IL1R2: variants seen among roughly 807,000 people sequenced by gnomAD.
IL1R2 encodes interleukin-1 receptor type 2.
Under a neutral mutation model 39.5 loss-of-function variants are expected in IL1R2, and 46 were observed. The ratio of observed to expected loss-of-function variants is 1.16; its 90% confidence interval spans 0.92 to 1.49. The LOEUF is 1.49. Among genes scored for constraint, IL1R2 ranks in the 40% most tolerant of loss-of-function variants. The pLI is 0.00. For synonymous variants in IL1R2, 207 were observed against 189.6 expected, an observed-to-expected ratio of 1.09 and a Z score of -0.75; for missense variants, 537 against 502.0, an observed-to-expected ratio of 1.07 and a Z score of -0.67.
chr2:102,009,568 C>T lies in IL1R2; in HGVS notation c.74C>T (p.Ala25Val). 1 of 1,613,698 alleles carries T rather than the reference C, an allele frequency of 6.2e-7. No homozygotes were observed. Among genetic ancestry groups the T allele is most frequent in the Non-Finnish European group, 8.5e-7 (1 of 1,179,808 alleles). ...TLQPAAHTGA[A>V]RSCRFRGRHY... is the part of the protein sequence containing the mutation. ...TGGGCTCTCTGTCCTTCAGGGGCTG[C>T]CAGAAGCTGCCGGTTTCGTGGGAGG... The change falls in exon 3 of 9, where the codon GCC becomes GTC. Residue 25 changes from alanine to valine, a missense_variant. Ala to Val is a moderately conservative substitution (Grantham distance 64). Coordinates refer to ENST00000332549, the MANE Select transcript of IL1R2 (RefSeq NM_004633.4).
At position 102,028,403 on chromosome 2, in the gene IL1R2, A is replaced by G; in HGVS notation, c.*11A>G. Reference sequence around the variant, plus strand: ...TCCTATCCCAAGTGAAATAAATGGAATGAAATAATTCAAACACAAACTCCG... The same window carrying G: ...TCCTATCCCAAGTGAAATAAATGGAGTGAAATAATTCAAACACAAACTCCG... On this transcript the variant is annotated 3_prime_UTR_variant, in exon 9 of 9. Transcript: ENST00000332549. 1 of 1,575,652 alleles carries G rather than the reference A, an allele frequency of 6.3e-7. No homozygotes were observed. The highest frequency in any genetic ancestry group is 8.7e-7 in the Non-Finnish European group (1 of 1,155,918).
intron 1 of IL1R2, among the ~76,000 whole-genome samples, chr2:102,003,363 G>A (rs559941190): frequency 8.6e-6 from 1 of 116,186 alleles, no homozygotes; most frequent in East Asian, 2.8e-4. Context: ...TGTCTGTGTC[G>A]GTGTCTGTGT....
chr2:102,024,197 C>G (rs754452748), intron 6 of IL1R2, among the ~76,000 whole-genome samples: 1 of 152,142 alleles, frequency 6.6e-6, no homozygotes, highest in Non-Finnish European at 1.5e-5. Flanking sequence ...ACACATTGAT[C>G]TGGATTTTCT....
intron 8 of IL1R2, among the ~76,000 whole-genome samples, chr2:102,027,362 G>A (rs548091554): frequency 6.6e-6 from 1 of 152,274 alleles, no homozygotes; most frequent in Admixed American, 6.5e-5. Context: ...AGGAACCTGT[G>A]GTTTGTCTGG....
intron 3 of IL1R2, among the ~76,000 whole-genome samples, chr2:102,010,760 T>C (rs1676580747): frequency 6.6e-6 from 1 of 152,016 alleles, no homozygotes; most frequent in Non-Finnish European, 1.5e-5. Context: ...GTAGAAAAAA[T>C]ACACATAACA....
chr2:102,025,379 A>T (rs1007479571), intron 7 of IL1R2, among the ~76,000 whole-genome samples: 2 of 152,232 alleles, frequency 1.3e-5, no homozygotes, highest in African/African-American at 4.8e-5. Flanking sequence ...AGTGGATAAA[A>T]ACTATGTGTG....
At chr2:102,004,036 T>C (rs767954204) in intron 1 of IL1R2, among the ~76,000 whole-genome samples, 1 of 147,634 alleles carries the variant, frequency 6.8e-6, no homozygotes, top group Non-Finnish European at 1.5e-5. Context: ...TCTATGTCTA[T>C]GTCTATGTCT....
chr2:101,995,417 C>A (rs1237679571), intron 1 of IL1R2, among the ~76,000 whole-genome samples: 1 of 152,140 alleles, frequency 6.6e-6, no homozygotes, highest in Non-Finnish European at 1.5e-5. Context: ...AAATTGGGGG[C>A]TCAGTCCTGC....
At chr2:102,003,988 G>T (rs200399982) in intron 1 of IL1R2, among the ~76,000 whole-genome samples, 123 of 140,528 alleles carry the variant, frequency 8.8e-4, no homozygotes, top group African/African-American at 3.0e-3. Context: ...TCTCGGTCTG[G>T]GTCTATGTCT....
At chr2:102,003,579 G>A (rs369085800) in intron 1 of IL1R2, among the ~76,000 whole-genome samples, 6 of 55,878 alleles carry the variant, frequency 1.1e-4, no homozygotes, top group South Asian at 1.1e-3. Context: ...TGTCTGTGTC[G>A]GTGTCTAGGC....
chr2:101,992,230 C>T (rs553413504), intron 1 of IL1R2, among the ~76,000 whole-genome samples: 1 of 147,512 alleles, frequency 6.8e-6, no homozygotes, highest in Non-Finnish European at 1.5e-5. Flanking sequence ...GAAACAGAGA[C>T]AGAAAGAGGC....
chr2:101,996,973 C>T (rs1393151860), intron 1 of IL1R2, among the ~76,000 whole-genome samples: 1 of 152,108 alleles, frequency 6.6e-6, no homozygotes, highest in Non-Finnish European at 1.5e-5. Context: ...ACCTCTCTTG[C>T]TTTCATTTTG....
At chr2:101,996,485 G>GTTTTTTTTTTT (rs11382814) in intron 1 of IL1R2, among the ~76,000 whole-genome samples, 1 of 82,404 alleles carries the variant, frequency 1.2e-5, no homozygotes, top group African/African-American at 5.1e-5. Flanking sequence ...TGTTTTCAGT[G>GTTTTTTTTTTT]TTTTTTTTTT....
At chr2:102,015,504 A>C (rs536433730) in intron 3 of IL1R2, among the ~76,000 whole-genome samples, 4 of 152,288 alleles carry the variant, frequency 2.6e-5, no homozygotes, top group East Asian at 1.9e-4. Flanking sequence ...TTACCACTTA[A>C]CACTTAACTT....
Position 102,008,530 on chromosome 2 carries a change from G to A in IL1R2, c.-46G>A. 1.3e-6 allele frequency: 2 copies of A among 1,518,452 alleles called. No individual in the cohort carries two copies. Among genetic ancestry groups the A allele is most frequent in the South Asian group, 1.1e-5 (1 of 89,202 alleles). 94.1% of individuals were successfully genotyped at this position (1,518,452 alleles called of 1,614,324 possible). A position where few individuals can be genotyped will look rare whatever the true frequency, so the allele number is the denominator to read the frequency against. ...CCTCCCCTAGGCCACGTGCTGCTGG[G>A]TCTCAGTCCTCCACTTCCCGTGTCC... On this transcript the variant is annotated 5_prime_UTR_variant, in exon 2 of 9. Transcript: ENST00000332549.
At chr2:101,992,853 G>T (rs1357435945) in intron 1 of IL1R2, among the ~76,000 whole-genome samples, 1 of 152,194 alleles carries the variant, frequency 6.6e-6, no homozygotes, top group Non-Finnish European at 1.5e-5. Flanking sequence ...CCAGACCTCA[G>T]GAACCTGATC....
chr2:102,012,904 G>A (rs1676728426), intron 3 of IL1R2, among the ~76,000 whole-genome samples: 1 of 152,170 alleles, frequency 6.6e-6, no homozygotes, highest in Non-Finnish European at 1.5e-5. Flanking sequence ...TTCCTATCTG[G>A]TGGGACCTTG....
At chr2:101,996,564 A>G (rs1212229473) in intron 1 of IL1R2, among the ~76,000 whole-genome samples, 1 of 137,882 alleles carries the variant, frequency 7.3e-6, no homozygotes, top group East Asian at 2.2e-4. Context: ...GGCTTGGGAC[A>G]ATTGCCACCC....
chr2:102,028,281 G>A lies in IL1R2; in HGVS notation c.1086G>A (p.Leu362=). 6.2e-7 allele frequency: 1 copy of A among 1,612,590 alleles called. No homozygotes were observed. The highest frequency in any genetic ancestry group is 8.5e-7 in the Non-Finnish European group (1 of 1,179,454). ...IVLAPLSLAF[L]VLGGIWMHRR... ...TGGCCCCACTTTCACTGGCCTTCTT[G>A]GTTTTGGGGGGAATATGGATGCACA... Residue 362 remains leucine (L), a synonymous_variant, in exon 9 of 9, where the codon TTG becomes TTA. Coordinates refer to ENST00000332549, the MANE Select transcript of IL1R2 (RefSeq NM_004633.4).
Sources: gnomAD v4.1 joint callset for allele counts (sites outside exome capture counted in the v4.1 genomes callset) on GRCh38, gnomAD v4.1.1 for gene constraint, MANE v1.5 for transcripts, NCBI Gene and HGNC (gene_info 2026-07-23, HGNC 2026-07-21) for gene names.